Variants in KLHL22 observed in about 807,000 individuals in gnomAD.
The protein encoded by KLHL22 is kelch-like protein 22.
In KLHL22, 18 loss-of-function variants were observed where a neutral mutation model predicts 60.7. The ratio of observed to expected loss-of-function variants is 0.30; its 90% CI spans 0.20 to 0.44. The LOEUF (loss-of-function observed/expected upper bound fraction) is 0.44. Among genes scored for constraint, KLHL22 ranks in the 20% least tolerant of loss-of-function variants. The pLI, the probability that KLHL22 is intolerant of heterozygous loss-of-function variation, is 1.00. For synonymous variants in KLHL22, 355 were observed against 354.5 expected, an observed-to-expected ratio of 1.00 and a Z score of -0.01; for missense variants, 596 against 852.3, an observed-to-expected ratio of 0.70 and a Z score of 3.74.
intron 2 of KLHL22, among the ~76,000 whole-genome samples, chr22:20,472,139 T>A (rs1259969412): frequency 6.6e-6 from 1 of 151,876 alleles, no homozygotes; most frequent in Non-Finnish European, 1.5e-5. Context: ...CCCAGCTACT[T>A]TGGTGGCTGC....
chr22:20,475,849 A>G (rs1353660536), intron 2 of KLHL22, among the ~76,000 whole-genome samples: 1 of 152,170 alleles, frequency 6.6e-6, no homozygotes, highest in African/African-American at 2.4e-5. Context: ...GGCGTGAGTC[A>G]CCGCACCCAG....
At chr22:20,482,610 T>C (rs2053521259) in intron 2 of KLHL22, among the ~76,000 whole-genome samples, 1 of 152,150 alleles carries the variant, frequency 6.6e-6, no homozygotes. Flanking sequence ...TCTCACTCTG[T>C]CGCCCAGGCT....
intron 2 of KLHL22, among the ~76,000 whole-genome samples, chr22:20,479,439 T>C (rs2053465416): frequency 6.6e-6 from 1 of 151,922 alleles, no homozygotes; most frequent in Admixed American, 6.6e-5. Context: ...TATAATCTCA[T>C]GTCCATAATC....
At chr22:20,457,033 T>C (rs958809543) in intron 5 of KLHL22, among the ~76,000 whole-genome samples, 7 of 133,448 alleles carry the variant, frequency 5.2e-5, no homozygotes, top group Non-Finnish European at 6.5e-5. Flanking sequence ...CCTGCTAGGG[T>C]ACCCCTAGTA....
In KLHL22 at chr22:20,451,110, C is replaced by T. The variant is rs1438378365; in HGVS notation, c.1306-4434G>A. 1.1e-5 allele frequency: 16 copies of T among 1,486,760 alleles called. No homozygotes were observed. The East Asian group carries it at 3.6e-4, about 34-fold the overall frequency. 92.1% of individuals were successfully genotyped at this position (1,486,760 alleles called of 1,614,324 possible). Reference sequence around the variant, plus strand: ...CCTCAGTGTCCCTACATGACCAGATCTACGTCATTGGTGGCTGTGATGGTC... The same window carrying T: ...CCTCAGTGTCCCTACATGACCAGATTTACGTCATTGGTGGCTGTGATGGTC... On this transcript the variant is annotated intron_variant, in intron 5 of 6. Transcript: ENST00000328879.
chr22:20,489,623 C>A, intron 1 of KLHL22: 1 of 457,722 alleles, frequency 2.2e-6, no homozygotes, highest in Non-Finnish European at 4.4e-6. Flanking sequence ...AAAGTACCTA[C>A]CCCATTGGGG....
intron 5 of KLHL22, chr22:20,450,641 G>A (rs1463305623): frequency 1.3e-6 from 2 of 1,581,974 alleles, no homozygotes; most frequent in Non-Finnish European, 1.7e-6. Flanking sequence ...ATTCTTCTGA[G>A]GCAAGGAGAG....
intron 6 of KLHL22, among the ~76,000 whole-genome samples, chr22:20,442,713 C>T (rs1425546695): frequency 6.6e-6 from 1 of 152,220 alleles, no homozygotes; most frequent in South Asian, 2.1e-4. Flanking sequence ...CCCAGCCCTT[C>T]CTCTAGGCCA....
Position 20,441,822 on chromosome 22 carries a change from T to C in KLHL22, c.*251A>G. Reference sequence around the variant, plus strand: ...GAAGGCCAACCCCTCCAGGGCTCACTGAGGAAGGCCAAAGCCTTTCAGAAG... The same window carrying C: ...GAAGGCCAACCCCTCCAGGGCTCACCGAGGAAGGCCAAAGCCTTTCAGAAG... On this transcript the variant is annotated 3_prime_UTR_variant, in exon 7 of 7. Transcript: ENST00000328879. 2.6e-6 allele frequency: 1 copy of C among 390,720 alleles called. No individual in the cohort carries two copies. The highest frequency in any genetic ancestry group is 1.3e-4 in the South Asian group (1 of 7,878). 24.2% of individuals were successfully genotyped at this position (390,720 alleles called of 1,614,324 possible).
intron 5 of KLHL22, among the ~76,000 whole-genome samples, chr22:20,448,828 T>C (rs1386232256): frequency 6.6e-6 from 1 of 152,192 alleles, no homozygotes; most frequent in Non-Finnish European, 1.5e-5. Flanking sequence ...CACATTCCTA[T>C]CAGCAATCCA....
At chr22:20,483,564 G>A in intron 2 of KLHL22, 1 of 725,580 alleles carries the variant, frequency 1.4e-6, no homozygotes, top group Middle Eastern at 3.9e-4. Context: ...GCCCATGTAT[G>A]TCGCTCTCCA....
intron 5 of KLHL22, among the ~76,000 whole-genome samples, chr22:20,449,069 G>GT (rs869288014): frequency 3.4e-4 from 48 of 143,030 alleles, no homozygotes; most frequent in African/African-American, 9.6e-4. Flanking sequence ...TGTTTTGTTT[G>GT]TTTTTTTTTG....
chr22:20,474,197 C>T (rs2053372134), intron 2 of KLHL22, among the ~76,000 whole-genome samples: 1 of 151,980 alleles, frequency 6.6e-6, no homozygotes, highest in Non-Finnish European at 1.5e-5. Flanking sequence ...GACCGGGTTT[C>T]ACCGTGTTAG....
chr22:20,446,199 T>G lies in KLHL22; in HGVS notation c.1539+244A>C, dbSNP rs1832833451. On this transcript the variant is annotated intron_variant, in intron 6 of 6. Coordinates refer to ENST00000328879, the MANE Select transcript of KLHL22 (RefSeq NM_032775.4). ...TTGATGGTGATGCATCAATGCAGTT[T>G]CAACAACTGTGACACATCCACCCCT... Among the ~76,000 whole-genome samples, 10 of 152,314 alleles carry G rather than the reference T, an allele frequency of 6.6e-5. No homozygotes were observed. The South Asian group carries it at 2.1e-3, about 32-fold the overall frequency.
At chr22:20,448,565 G>A (rs1297874143) in intron 5 of KLHL22, among the ~76,000 whole-genome samples, 5 of 152,148 alleles carry the variant, frequency 3.3e-5, no homozygotes, top group African/African-American at 9.7e-5. Flanking sequence ...GTACAGATAA[G>A]TTATTTTTTA....
At position 20,464,858 on chromosome 22, in the gene KLHL22, C is replaced by A; in HGVS notation, c.1112G>T (p.Arg371Met). The change falls in exon 4 of 7, where the codon AGG (arginine) becomes ATG (methionine). Residue 371 changes from arginine (R) to methionine (M), a missense_variant and splice_region_variant. By Grantham distance (91) the Arg-to-Met change is moderately conservative. Transcript: ENST00000328879. The part of the protein sequence containing the change: ...QGFRAESRCW[R>M]YDPRHNRWFQ... ...GGGACCAGCTAGCACCCTGTCCTAC[C>A]TCCAGCATCGGGACTCTGCTCGAAA... 2 of 1,522,660 alleles carry A rather than the reference C, an allele frequency of 1.3e-6. No homozygotes were observed. The highest frequency in any genetic ancestry group is 1.4e-5 in the African/African-American group (1 of 72,258). The allele number at this position is 1,522,660 out of a possible 1,614,324, so 94.3% of individuals were successfully genotyped here.
At chr22:20,470,947 G>A (rs919828272) in intron 3 of KLHL22, among the ~76,000 whole-genome samples, 6 of 152,240 alleles carry the variant, frequency 3.9e-5, no homozygotes, top group Non-Finnish European at 7.3e-5. Context: ...AGAGACTGAA[G>A]TGGCCCAGTG....
intron 2 of KLHL22, among the ~76,000 whole-genome samples, chr22:20,471,744 A>G (rs551099601): frequency 1.3e-4 from 20 of 152,276 alleles, no homozygotes; most frequent in South Asian, 4.1e-4. Context: ...TTCCCTTTTC[A>G]TGGGCCCAAG....
At chr22:20,472,598 C>T (rs1384568052) in intron 2 of KLHL22, among the ~76,000 whole-genome samples, 2 of 152,044 alleles carry the variant, frequency 1.3e-5, no homozygotes, top group African/African-American at 2.4e-5. Context: ...TGGTGGCGGG[C>T]GCCTATCATC....
Sources: gnomAD v4.1 joint callset for allele counts (sites outside exome capture counted in the v4.1 genomes callset) on GRCh38, gnomAD v4.1.1 for gene constraint, MANE v1.5 for transcripts, NCBI Gene and HGNC (gene_info 2026-07-23, HGNC 2026-07-21) for gene names.